Variants in KDM3B observed in about 807,000 individuals in gnomAD.
KDM3B encodes lysine demethylase 3B, also known as lysine-specific demethylase 3B.
KDM3B carries 10 observed loss-of-function variants against 170.0 expected under a neutral mutation model. That is an observed-to-expected ratio of 0.06 (90% CI 0.04 to 0.10). KDM3B has a LOEUF of 0.10. KDM3B is among the 10% of genes least tolerant of loss of function. KDM3B has a pLI of 1.00. For synonymous variants in KDM3B, 831 were observed against 834.8 expected, an observed-to-expected ratio of 1.00 and a Z score of 0.08; for missense variants, 1,394 against 2,195.2, an observed-to-expected ratio of 0.64 and a Z score of 7.29.
At chr5:138,431,635 C>T in intron 23 of KDM3B, 76 bp downstream of exon 23, 2 of 1,267,454 alleles carry the variant, frequency 1.6e-6, no homozygotes, top group Non-Finnish European at 2.1e-6. Context: ...AGCACATTCT[C>T]CTTTCTGAGG....
intron 11 of KDM3B, among the ~76,000 whole-genome samples, chr5:138,411,883 G>T (rs1438056251): frequency 6.7e-6 from 1 of 150,146 alleles, no homozygotes; most frequent in African/African-American, 2.4e-5. Flanking sequence ...TGTATTTTTA[G>T]TAGAGAAAGG....
At chr5:138,402,901 T>C (rs937052727) in intron 11 of KDM3B, among the ~76,000 whole-genome samples, 2 of 152,232 alleles carry the variant, frequency 1.3e-5, no homozygotes, top group African/African-American at 2.4e-5. Flanking sequence ...GGCAAAGTGC[T>C]GAAAAGGCTG....
At chr5:138,362,874 A>G (rs1423869298) in intron 1 of KDM3B, among the ~76,000 whole-genome samples, 2 of 149,724 alleles carry the variant, frequency 1.3e-5, no homozygotes, top group Admixed American at 6.7e-5. Flanking sequence ...TCCTAATGCT[A>G]TCCCTCCCCT....
intron 7 of KDM3B, among the ~76,000 whole-genome samples, chr5:138,390,377 G>A (rs772101542): frequency 1.6e-4 from 25 of 152,018 alleles, no homozygotes; most frequent in Non-Finnish European, 3.2e-4. Flanking sequence ...GCATCTTTAC[G>A]TCTAACGTTA....
At position 138,425,279 on chromosome 5, in the gene KDM3B, C is replaced by T. The variant is rs1020754873; in HGVS notation, c.4240-132C>T. On this transcript the variant is annotated intron_variant, in intron 16 of 23. Coordinates refer to ENST00000314358, the MANE Select transcript of KDM3B (RefSeq NM_016604.4). ...GACATGTGGAAATCCATGGATTATA[C>T]AACTAGGAAAGAACAGTAGAGCTTC... 1.6e-5 allele frequency: 11 copies of T among 707,600 alleles called. No homozygotes were observed. In the African/African-American group the frequency reaches 1.8e-4, roughly 11 times the overall value. The allele number at this position is 707,600 out of a possible 1,614,324, so 43.8% of individuals were successfully genotyped here. A position where few individuals can be genotyped will look rare whatever the true frequency, so the allele number is the denominator to read the frequency against.
intron 11 of KDM3B, among the ~76,000 whole-genome samples, chr5:138,407,844 C>G (rs903607960): frequency 6.6e-6 from 1 of 152,114 alleles, no homozygotes; most frequent in African/African-American, 2.4e-5. Flanking sequence ...GTCCAACAGC[C>G]CCTAATAGTA....
rs1763499604 is a variant in KDM3B, at chr5:138,430,357, G to A, written c.5002G>A (p.Val1668Met). 5 of 1,614,014 alleles carry A rather than the reference G, an allele frequency of 3.1e-6. No individual in the cohort carries two copies. The highest frequency in any genetic ancestry group is 1.7e-5 in the Admixed American group (1 of 60,000). The change falls in exon 22 of 24, where the codon GTG becomes ATG. Residue 1668 changes from valine to methionine, a missense_variant. Physicochemically the swap from Val to Met is conservative, Grantham distance 21. This residue lies in a region of KDM3B where 79 missense variants were observed against 270.5 expected (regional missense o/e 0.29). Coordinates refer to ENST00000314358, the MANE Select transcript of KDM3B (RefSeq NM_016604.4). Reference sequence around the variant, plus strand: ...TAAGCGACTCTATGAGGAGTATGGCGTGCAAGGCTGGGCTATTGTGCAGTT... The same window carrying A: ...TAAGCGACTCTATGAGGAGTATGGCATGCAAGGCTGGGCTATTGTGCAGTT... ...LRKRLYEEYG[V>M]QGWAIVQFLG... is the part of the protein sequence containing the mutation.
chr5:138,419,165 C>T lies in KDM3B; in HGVS notation c.3648C>T (p.Ala1216=), dbSNP rs777178979. ...TCAGGCCTCCTTGCCCTGACACGGC[C>T]CCACCCTCCTCCGCCCTGCACTGGT... ...KAIRPPCPDT[A]PPSSALHWLA... Residue 1216 remains alanine, a synonymous_variant, in exon 14 of 24, where the codon GCC becomes GCT. Coordinates refer to ENST00000314358, the MANE Select transcript of KDM3B (RefSeq NM_016604.4). The T allele has an allele frequency of 1.2e-6, 2 of 1,614,164 alleles. No homozygotes were observed. Among genetic ancestry groups the T allele is most frequent in the East Asian group, 4.5e-5 (2 of 44,886 alleles).
At chr5:138,426,467 C>T (rs994379548) in intron 17 of KDM3B, among the ~76,000 whole-genome samples, 1 of 150,550 alleles carries the variant, frequency 6.6e-6, no homozygotes, top group African/African-American at 2.5e-5. Flanking sequence ...CCCAGCTACT[C>T]GGCAGGCTGA....
In KDM3B at chr5:138,420,785, G is replaced by A; in HGVS notation, c.3795G>A (p.Lys1265=). 6.2e-7 allele frequency: 1 copy of A among 1,614,122 alleles called. No homozygotes were observed. Residue 1265 remains lysine (K), a synonymous_variant, in exon 15 of 24, where the codon AAG becomes AAA. Transcript: ENST00000314358. Reference sequence around the variant, plus strand: ...TGGACTCGTTCAACTCCACTGCAAAGGTCTCTCCGCTGACTCCAAAGCTTT... The same window carrying A: ...TGGACTCGTTCAACTCCACTGCAAAAGTCTCTCCGCTGACTCCAAAGCTTT... ...FGLDSFNSTA[K]VSPLTPKLFN...
rs561178659 is a variant in KDM3B, at chr5:138,383,872, C to A, written c.781-2150C>A. Among the ~76,000 whole-genome samples, 4 of 151,454 alleles carry A rather than the reference C, an allele frequency of 2.6e-5. No homozygotes were observed. In the South Asian group the frequency reaches 8.4e-4, roughly 32 times the overall value. The stretch of plus-strand genomic sequence containing the variant: ...GGCTGAGGCAAGAAAATCGCTTGAA[C>A]ACAGGAGGCGGAGGTTGCAGTGAGC... On this transcript the variant is annotated intron_variant, in intron 6 of 23. Coordinates refer to ENST00000314358, the MANE Select transcript of KDM3B (RefSeq NM_016604.4).
In KDM3B at chr5:138,386,114, G is replaced by A. The variant is rs1053007062; in HGVS notation, c.873G>A (p.Ser291=). Reference sequence around the variant, plus strand: ...ATGGCCGGAGGAGGAAAAGTGCTTCGGACTCTGGGTGTGACCCTGCATCAA... The same window carrying A: ...ATGGCCGGAGGAGGAAAAGTGCTTCAGACTCTGGGTGTGACCCTGCATCAA... The part of the protein sequence containing the change: ...GKDGRRRKSA[S]DSGCDPASKK... Residue 291 remains serine, a synonymous_variant, in exon 7 of 24, where the codon TCG becomes TCA. Coordinates refer to ENST00000314358, the MANE Select transcript of KDM3B (RefSeq NM_016604.4). 3.7e-6 allele frequency: 6 copies of A among 1,614,020 alleles called. No homozygotes were observed. The highest frequency in any genetic ancestry group is 1.3e-5 in the African/African-American group (1 of 74,910).
At position 138,352,933 on chromosome 5, in the gene KDM3B, C is replaced by G; in HGVS notation, c.138C>G (p.Ala46=). The G allele has an allele frequency of 7.6e-7, 1 of 1,315,890 alleles. No individual in the cohort carries two copies. The highest frequency in any genetic ancestry group is 9.7e-7 in the Non-Finnish European group (1 of 1,034,846). 81.5% of individuals were successfully genotyped at this position (1,315,890 alleles called of 1,614,324 possible). A position where few individuals can be genotyped will look rare whatever the true frequency, so the allele number is the denominator to read the frequency against. ...CGGGGCCTGCGCTGCGCACTCGAGC[C>G]TGGCGGGCCGGCACGGTGCGGGCCA... The part of the protein sequence containing the change: ...GDPGPALRTR[A]WRAGTVRAMS... The change falls in exon 1 of 24, where the codon GCC becomes GCG. Residue 46 remains alanine, a synonymous_variant. Coordinates refer to ENST00000314358, the MANE Select transcript of KDM3B (RefSeq NM_016604.4).
intron 4 of KDM3B, among the ~76,000 whole-genome samples, chr5:138,378,546 C>T (rs894714319): frequency 6.6e-6 from 1 of 152,074 alleles, no homozygotes; most frequent in African/African-American, 2.4e-5. Context: ...CACTCCCCTT[C>T]CTTTCTTGAT....
intron 11 of KDM3B, among the ~76,000 whole-genome samples, chr5:138,410,442 T>C: frequency 6.6e-6 from 1 of 151,986 alleles, no homozygotes; most frequent in East Asian, 1.9e-4. Context: ...GGGGAAAGGA[T>C]AACCCTTTCA....
chr5:138,355,402 A>G (rs182789323), intron 1 of KDM3B, among the ~76,000 whole-genome samples: 1 of 152,256 alleles, frequency 6.6e-6, no homozygotes, highest in East Asian at 1.9e-4. Flanking sequence ...TTTTTTGGAA[A>G]ACAGTAACAA....
rs1762412614 is a variant in KDM3B, at chr5:138,391,018, A to G, written c.1386A>G (p.Ser462=). 2.6e-6 allele frequency: 4 copies of G among 1,548,516 alleles called. No individual in the cohort carries two copies. Among genetic ancestry groups the G allele is most frequent in the Non-Finnish European group, 3.5e-6 (4 of 1,148,650 alleles). Residue 462 remains serine, a synonymous_variant, in exon 8 of 24, where the codon TCA becomes TCG. Coordinates refer to ENST00000314358, the MANE Select transcript of KDM3B (RefSeq NM_016604.4). The surrounding 1 kb of genome is among the most constrained non-coding windows in gnomAD (Gnocchi z 5.0). ...TCAGGCTATCTTCCTTTCAGAATTC[A>G]AGAAATTCTATTCTGGCCTCTTCTG... The part of the protein sequence containing the change: ...GSRSQASGEN[S]RNSILASSGF...
Position 138,428,019 on chromosome 5 carries a change from T to C in KDM3B, c.4686T>C (p.Asp1562=). ...TTGGTACAACAAATCTTCACTTAGA[T>C]GTGTCTGATGCTGTTAATGTGATGG... is the stretch of plus-strand genomic sequence containing the variant. ...RRVGTTNLHL[D]VSDAVNVMVY... The change falls in exon 20 of 24, where the codon GAT becomes GAC. Residue 1562 remains aspartate, a synonymous_variant. Transcript: ENST00000314358. The C allele has an allele frequency of 1.2e-5, 19 of 1,613,226 alleles. No individual in the cohort carries two copies. The highest frequency in any genetic ancestry group is 1.3e-5 in the Non-Finnish European group (15 of 1,179,184).
intron 21 of KDM3B, 120 bp downstream of exon 21, chr5:138,430,085 C>A: frequency 7.1e-7 from 1 of 1,411,418 alleles, no homozygotes; most frequent in South Asian, 1.4e-5. Flanking sequence ...GGCCATGATA[C>A]CTCTGGTGGA....
Sources: gnomAD v4.1 joint callset for allele counts (sites outside exome capture counted in the v4.1 genomes callset) on GRCh38, gnomAD v4.1.1 for gene constraint, gnomAD v4.1.1 regional missense constraint, Gnocchi (gnomAD v3.1) non-coding constraint, MANE v1.5 for transcripts, NCBI Gene and HGNC (gene_info 2026-07-23, HGNC 2026-07-21) for gene names.